ARHGAP33: variants seen among roughly 807,000 people sequenced by gnomAD.
ARHGAP33 encodes the protein rho GTPase-activating protein 33.
In ARHGAP33, 57 loss-of-function variants were observed where a neutral mutation model predicts 126.2. That is an observed-to-expected ratio of 0.45 (90% CI 0.36 to 0.56). ARHGAP33 has a LOEUF of 0.56. ARHGAP33 is among the 20% of genes least tolerant of loss of function. The probability of loss-of-function intolerance (pLI) is 0.00; values close to 1 mark genes in which losing one functional copy is unlikely to be tolerated. For missense variants in ARHGAP33, 1,500 were observed against 1,748.3 expected (o/e 0.86, Z 2.53); for synonymous variants, 711 against 755.0 (o/e 0.94, Z 0.95).
intron 5 of ARHGAP33, 184 bp from the exon 6 acceptor site, chr19:35,778,848 G>T (rs1035371307): frequency 2.6e-6 from 2 of 768,334 alleles, no homozygotes; most frequent in Non-Finnish European, 2.1e-6. Flanking sequence ...GCCAACCAGG[G>T]TACTCAAGAG....
Position 35,788,636 on chromosome 19 carries a change from A to C in ARHGAP33, c.*207A>C. Reference sequence around the variant, plus strand: ...TCTGCCCATCCCCCCACCACCCTCCATCCTGGGGGCCCTCGCACAAATCTG... The same window carrying C: ...TCTGCCCATCCCCCCACCACCCTCCCTCCTGGGGGCCCTCGCACAAATCTG... On this transcript the variant is annotated 3_prime_UTR_variant, in exon 21 of 21. Coordinates refer to ENST00000007510, the MANE Select transcript of ARHGAP33 (RefSeq NM_001366178.1). 23 of 494,082 alleles carry C rather than the reference A, an allele frequency of 4.7e-5. No individual in the cohort carries two copies. Among genetic ancestry groups the C allele is most frequent in the Middle Eastern group, 4.6e-4 (1 of 2,192 alleles). The allele number at this position is 494,082 out of a possible 1,614,324, so 30.6% of individuals were successfully genotyped here.
rs1338590885 is a variant in ARHGAP33 at position 35,780,795 on chromosome 19, G to A, written c.808G>A (p.Gly270Ser). Residue 270 changes from glycine to serine, a missense_variant, in exon 10 of 21, where the codon GGT (glycine) becomes AGT (serine). Coordinates refer to ENST00000007510, the MANE Select transcript of ARHGAP33 (RefSeq NM_001366178.1). ...CCCATGTGGCATCCCGGCTCCCCAGGGTATCTCGTCTCTGACCTCAGGTAA... is the reference window on the plus strand; with the variant it reads ...CCCATGTGGCATCCCGGCTCCCCAGAGTATCTCGTCTCTGACCTCAGGTAA... ...GPPCGIPAPQGISSLTSAVPR... is the reference protein window; with the variant it reads ...GPPCGIPAPQSISSLTSAVPR... 1.9e-6 allele frequency: 3 copies of A among 1,613,846 alleles called. No individual in the cohort carries two copies. Among genetic ancestry groups the A allele is most frequent in the South Asian group, 2.2e-5 (2 of 91,080 alleles).
At position 35,787,035 on chromosome 19, in the gene ARHGAP33, G is replaced by T; in HGVS notation, c.2565G>T (p.Glu855Asp). 1 of 1,609,162 alleles carries T rather than the reference G, an allele frequency of 6.2e-7. No homozygotes were observed. The highest frequency in any genetic ancestry group is 8.5e-7 in the Non-Finnish European group (1 of 1,177,578). Residue 855 changes from glutamate (E) to aspartate (D), a missense_variant, in exon 20 of 21, where the codon GAG becomes GAT. Physicochemically the swap from Glu to Asp is conservative, Grantham distance 45 (BLOSUM62 2). This residue lies in a region of ARHGAP33 where 642 missense variants were observed against 634.0 expected (regional missense o/e 1.01). Coordinates refer to ENST00000007510, the MANE Select transcript of ARHGAP33 (RefSeq NM_001366178.1). ...CGCTGACTGACGCCTGCCAGCAGGA[G>T]ATGTGCAGCAAGCTCCGGGGAGCCC... is the stretch of plus-strand genomic sequence containing the variant. ...EAPLTDACQQ[E>D]MCSKLRGAQG... is the part of the protein sequence containing the mutation.
chr19:35,780,728 T>A (rs1202290458), intron 9 of ARHGAP33, 29 bp from the exon 10 acceptor site: 1 of 1,613,456 alleles, frequency 6.2e-7, no homozygotes, highest in Non-Finnish European at 8.5e-7. Context: ...CTCCCACTCA[T>A]CCCTTCCACC....
intron 16 of ARHGAP33, 87 bp downstream of exon 16, chr19:35,784,404 C>T: frequency 5.5e-6 from 8 of 1,446,390 alleles, no homozygotes; most frequent in Non-Finnish European, 6.4e-6. Flanking sequence ...CCAGTCCCGT[C>T]CCCACCCCAC....
Position 35,787,233 on chromosome 19 carries a change from C to A in ARHGAP33, c.2668C>A (p.Pro890Thr). 1 of 1,609,064 alleles carries A rather than the reference C, an allele frequency of 6.2e-7. No individual in the cohort carries two copies. Residue 890 changes from proline to threonine, a missense_variant, in exon 21 of 21, where the codon CCC becomes ACC. Pro to Thr is a conservative substitution (Grantham distance 38). This residue lies in a region of ARHGAP33 where 642 missense variants were observed against 634.0 expected (regional missense o/e 1.01). Transcript: ENST00000007510. ...LSLLRPGGAP[P>T]PPPKNPARLM... is the part of the protein sequence containing the mutation. ...TCTCCTGCGCCCTGGGGGTGCCCCACCCCCGCCCCCTAAGAACCCAGCACG... is the reference window on the plus strand; with the variant it reads ...TCTCCTGCGCCCTGGGGGTGCCCCAACCCCGCCCCCTAAGAACCCAGCACG...
chr19:35,777,555 G>T (rs1311593495), intron 1 of ARHGAP33, 90 bp from the exon 2 acceptor site: 8 of 1,096,154 alleles, frequency 7.3e-6, no homozygotes, highest in Non-Finnish European at 9.5e-6. Context: ...TGGAGCGCCC[G>T]GGGCTCTGGA....
rs231235 is a variant in ARHGAP33 at position 35,787,568 on chromosome 19, C to G, written c.3003C>G (p.Ala1001=). The change falls in exon 21 of 21, where the codon GCC becomes GCG. Residue 1001 remains alanine, a synonymous_variant. Transcript: ENST00000007510. ...RGLRGPAQVS[A]QLRAGGGGRD... is the part of the protein sequence containing the mutation. ...TCCGAGGCCCTGCCCAGGTCAGTGCCCAGCTCAGGGCAGGTGGCGGGGGCA... is the reference window on the plus strand; with the variant it reads ...TCCGAGGCCCTGCCCAGGTCAGTGCGCAGCTCAGGGCAGGTGGCGGGGGCA... 659,660 of 1,610,968 alleles carry G rather than the reference C, an allele frequency of 0.41. 140,354 individuals carry two copies. Among genetic ancestry groups the G allele is most frequent in the African/African-American group, 0.63 (47,062 of 74,880 alleles).
Position 35,788,548 on chromosome 19 carries a change from T to TA in ARHGAP33, c.*121dup. The TA allele has an allele frequency of 2.1e-6, 2 of 944,984 alleles. No individual in the cohort carries two copies. Among genetic ancestry groups the TA allele is most frequent in the Non-Finnish European group, 3.0e-6 (2 of 664,084 alleles). The allele number at this position is 944,984 out of a possible 1,614,324, so 58.5% of individuals were successfully genotyped here. On this transcript the variant is annotated 3_prime_UTR_variant, in exon 21 of 21. Transcript: ENST00000007510. Reference sequence around the variant, plus strand: ...CCACTACCCCAGGTTTCTAACTTTGTAACTTGCTTCTGATGTGGGTCCCTA... The same window carrying TA: ...CCACTACCCCAGGTTTCTAACTTTGTAAACTTGCTTCTGATGTGGGTCCCTA...
In ARHGAP33 at chr19:35,785,198, G is replaced by A. The variant is rs762182091; in HGVS notation, c.1731G>A (p.Gly577=). 6.3e-7 allele frequency: 1 copy of A among 1,577,960 alleles called. No individual in the cohort carries two copies. Among genetic ancestry groups the A allele is most frequent in the Non-Finnish European group, 8.6e-7 (1 of 1,158,406 alleles). The change falls in exon 18 of 21, where the codon GGG becomes GGA. Residue 577 remains glycine (G), a synonymous_variant. Transcript: ENST00000007510. ...CTCCCCCAAACCGCAGGAGGAAAGG[G>A]GAGAGAGGGGAGAAGCAGCGGAAGC... The part of the protein sequence containing the change: ...APASPAERRK[G]ERGEKQRKPG...
chr19:35,777,798 C>T, intron 2 of ARHGAP33, 26 bp from the exon 3 acceptor site: 1 of 1,614,000 alleles, frequency 6.2e-7, no homozygotes, highest in Non-Finnish European at 8.5e-7. Flanking sequence ...CAAGGAGCTG[C>T]TGGTGACGCA....
At position 35,777,899 on chromosome 19, in the gene ARHGAP33, C is replaced by T. The variant is rs769494414; in HGVS notation, c.180C>T (p.Gly60=). Residue 60 remains glycine (G), a synonymous_variant, in exon 3 of 21, where the codon GGC becomes GGT. Coordinates refer to ENST00000007510, the MANE Select transcript of ARHGAP33 (RefSeq NM_001366178.1). ...AHFHYENVDF[G]HIQLLLSPDR... is the part of the protein sequence containing the mutation. ...TCCACTACGAGAACGTTGACTTTGG[C>T]CACATTCAGGTATGGGGGCTTTGCA... 6 of 1,614,194 alleles carry T rather than the reference C, an allele frequency of 3.7e-6. No individual in the cohort carries two copies. In the South Asian group the frequency reaches 6.6e-5, roughly 18 times the overall value.
chr19:35,778,505 T>C lies in ARHGAP33; in HGVS notation c.312T>C (p.Arg104=), dbSNP rs780159840. 5 of 1,614,030 alleles carry C rather than the reference T, an allele frequency of 3.1e-6. No homozygotes were observed. The East Asian group carries it at 8.9e-5, about 29-fold the overall frequency. The change falls in exon 5 of 21, where the codon CGT becomes CGC. Residue 104 remains arginine (R), a synonymous_variant. Coordinates refer to ENST00000007510, the MANE Select transcript of ARHGAP33 (RefSeq NM_001366178.1). ...WPVLRSYDDF[R]SLDAHLHRCI... ...TTCTCCGGAGTTACGATGACTTTCG[T>C]TCCCTGGATGCCCACCTCCACCGGT...
chr19:35,780,991 C>T lies in ARHGAP33; in HGVS notation c.901C>T (p.Arg301Trp), dbSNP rs757101169. Residue 301 changes from arginine to tryptophan, a missense_variant, in exon 11 of 21, where the codon CGG (arginine) becomes TGG (tryptophan). Transcript: ENST00000007510. ...TFMRSRPSRQRLRQRGILRQR... is the reference protein window; with the variant it reads ...TFMRSRPSRQWLRQRGILRQR... ...CATGCGCTCCCGCCCTTCTCGGCAGCGGCTGCGGCAGCGGGGAATCCTGCG... is the reference window on the plus strand; with the variant it reads ...CATGCGCTCCCGCCCTTCTCGGCAGTGGCTGCGGCAGCGGGGAATCCTGCG... 1.5e-5 allele frequency: 24 copies of T among 1,611,194 alleles called. 1 individual carries two copies. The highest frequency in any genetic ancestry group is 1.6e-4 in the Middle Eastern group (1 of 6,084).
chr19:35,784,370 T>TGCAGGGGGAGG, intron 16 of ARHGAP33, 53 bp downstream of exon 16: 2 of 1,487,860 alleles, frequency 1.3e-6, no homozygotes, highest in Non-Finnish European at 1.8e-6. Flanking sequence ...CGATCAGGGC[T>TGCAGGGGGAGG]GCAGGGGGAG....
In ARHGAP33 at chr19:35,787,548, G is replaced by T; in HGVS notation, c.2983G>T (p.Gly995Cys). 1 of 1,612,082 alleles carries T rather than the reference G, an allele frequency of 6.2e-7. No individual in the cohort carries two copies. Residue 995 changes from glycine to cysteine, a missense_variant, in exon 21 of 21, where the codon GGC (glycine) becomes TGC (cysteine). Coordinates refer to ENST00000007510, the MANE Select transcript of ARHGAP33 (RefSeq NM_001366178.1). ...PMGTSRRGLRGPAQVSAQLRA... is the reference protein window; with the variant it reads ...PMGTSRRGLRCPAQVSAQLRA... ...GGGGACCTCAAGGAGGGGACTCCGA[G>T]GCCCTGCCCAGGTCAGTGCCCAGCT...
At chr19:35,776,931 C>T (rs1306726812) in intron 1 of ARHGAP33, among the ~76,000 whole-genome samples, 1 of 152,092 alleles carries the variant, frequency 6.6e-6, no homozygotes, top group Non-Finnish European at 1.5e-5. Flanking sequence ...GAGTTGGGAC[C>T]TGAGGGGTGG....
Position 35,788,400 on chromosome 19 carries a change from T to G in ARHGAP33, c.3835T>G (p.Ser1279Ala). The change falls in exon 21 of 21, where the codon TCT (serine) becomes GCT (alanine). Residue 1279 changes from serine to alanine, a missense_variant. Transcript: ENST00000007510. Reference protein sequence around the residue: ...PYPTPSWSLHSEGQTRSYC With the variant: ...PYPTPSWSLHAEGQTRSYC Reference sequence around the variant, plus strand: ...CCCCACTCCCAGCTGGTCCCTCCACTCTGAGGGCCAGACCCGAAGCTACTG... The same window carrying G: ...CCCCACTCCCAGCTGGTCCCTCCACGCTGAGGGCCAGACCCGAAGCTACTG... The G allele has an allele frequency of 1.9e-6, 3 of 1,579,788 alleles. No individual in the cohort carries two copies. Among genetic ancestry groups the G allele is most frequent in the Non-Finnish European group, 2.6e-6 (3 of 1,163,402 alleles).
chr19:35,785,768 C>A, intron 19 of ARHGAP33: 6 of 1,267,756 alleles, frequency 4.7e-6, no homozygotes, highest in Non-Finnish European at 6.0e-6. Flanking sequence ...ATGAACCCAG[C>A]AGCCAGAACT....
Sources: allele counts gnomAD v4.1 joint callset (sites outside exome capture counted in the v4.1 genomes callset), GRCh38; gene constraint gnomAD v4.1.1; regional missense constraint gnomAD v4.1.1; transcripts MANE v1.5; gene names NCBI Gene and HGNC (gene_info 2026-07-23, HGNC 2026-07-21).